Variants in CSMD1 observed in about 807,000 individuals in gnomAD.
CSMD1 encodes the protein CUB and Sushi multiple domains 1, also known as CUB and sushi domain-containing protein 1.
In CSMD1, 213 loss-of-function variants were observed where a neutral mutation model predicts 417.5. The observed-to-expected ratio is 0.51, with a 90% CI of 0.46 to 0.57. The LOEUF (loss-of-function observed/expected upper bound fraction) is 0.57. Among genes scored for constraint, CSMD1 ranks in the 20% least tolerant of loss-of-function variants. The pLI is 0.00. For synonymous variants in CSMD1, 2,862 were observed against 1,736.8 expected (o/e 1.65, Z -16.11); for missense variants, 6,923 against 4,529.7 (o/e 1.53, Z -15.17).
At chr8:3,365,123 G>A (rs920648796) in intron 20 of CSMD1, among the ~76,000 whole-genome samples, 6 of 152,178 alleles carry the variant, frequency 3.9e-5, no homozygotes, top group Non-Finnish European at 5.9e-5. Context: ...TACACCAGGG[G>A]AGAATGCAGA....
chr8:3,844,719 T>C (rs781145133), intron 5 of CSMD1, among the ~76,000 whole-genome samples: 1 of 152,174 alleles, frequency 6.6e-6, no homozygotes, highest in Non-Finnish European at 1.5e-5. Context: ...TCTGATAAAC[T>C]GAAATACAGA....
At chr8:4,613,717 A>C (rs1230485520) in intron 2 of CSMD1, among the ~76,000 whole-genome samples, 1 of 152,174 alleles carries the variant, frequency 6.6e-6, no homozygotes, top group Non-Finnish European at 1.5e-5. Flanking sequence ...AGAAGTGAAA[A>C]AAATAGAAGA....
At chr8:3,491,685 GC>G (rs1263968192) in intron 11 of CSMD1, among the ~76,000 whole-genome samples, 2 of 152,186 alleles carry the variant, frequency 1.3e-5, no homozygotes, top group Non-Finnish European at 2.9e-5. Flanking sequence ...GTTGGCTAGT[GC>G]TTTTTCAATG....
intron 3 of CSMD1, among the ~76,000 whole-genome samples, chr8:4,362,722 C>A (rs1032038737): frequency 6.6e-6 from 1 of 152,124 alleles, no homozygotes; most frequent in Admixed American, 6.6e-5. Context: ...AAAGGACTTT[C>A]TTTACATTGT....
At chr8:3,086,820 G>C (rs1247570155) in intron 49 of CSMD1, among the ~76,000 whole-genome samples, 1 of 152,084 alleles carries the variant, frequency 6.6e-6, no homozygotes, top group East Asian at 1.9e-4. Flanking sequence ...TCTTAAATTG[G>C]ATGACATGTT....
intron 26 of CSMD1, among the ~76,000 whole-genome samples, chr8:3,262,803 A>C (rs1401090394): frequency 6.6e-6 from 1 of 152,226 alleles, no homozygotes; most frequent in East Asian, 1.9e-4. Context: ...CATAATGTAT[A>C]CCTATTAAAC....
intron 23 of CSMD1, among the ~76,000 whole-genome samples, chr8:3,318,191 T>G (rs1805905473): frequency 6.6e-6 from 1 of 152,214 alleles, no homozygotes; most frequent in South Asian, 2.1e-4. Flanking sequence ...AATATTCTAT[T>G]TTTATTTATG....
intron 12 of CSMD1, among the ~76,000 whole-genome samples, chr8:3,461,802 T>C (rs567846301): frequency 5.9e-5 from 9 of 152,326 alleles, no homozygotes; most frequent in African/African-American, 9.6e-5. Flanking sequence ...TTACGTGTGA[T>C]AGAACACGGA....
intron 12 of CSMD1, among the ~76,000 whole-genome samples, chr8:3,448,250 T>G (rs1815428961): frequency 7.8e-6 from 1 of 127,464 alleles, no homozygotes; most frequent in Admixed American, 8.8e-5. Context: ...AGAGGATTGA[T>G]CTCAAGACCA....
At chr8:3,876,489 ATGTAAGTG>A (rs1167560259) in intron 5 of CSMD1, among the ~76,000 whole-genome samples, 1 of 152,172 alleles carries the variant, frequency 6.6e-6, no homozygotes, top group African/African-American at 2.4e-5. Flanking sequence ...TTGATAAAAT[ATGTAAGTG>A]TGTAAGTGTG....
At chr8:4,606,980 T>C (rs1800909164) in intron 2 of CSMD1, among the ~76,000 whole-genome samples, 1 of 152,232 alleles carries the variant, frequency 6.6e-6, no homozygotes, top group East Asian at 1.9e-4. Flanking sequence ...AGATGCAAGT[T>C]AAATTTTTTC....
chr8:4,320,315 C>G (rs897222273), intron 3 of CSMD1, among the ~76,000 whole-genome samples: 3 of 152,156 alleles, frequency 2.0e-5, no homozygotes, highest in African/African-American at 7.2e-5. Context: ...ATAATACCTT[C>G]AGGCTATTTG....
chr8:4,136,436 G>C (rs968353024), intron 3 of CSMD1, among the ~76,000 whole-genome samples: 1 of 152,148 alleles, frequency 6.6e-6, no homozygotes, highest in Non-Finnish European at 1.5e-5. Context: ...TTCTCAGCAA[G>C]CATCCCTTTT....
chr8:4,169,208 C>A (rs1395883607), intron 3 of CSMD1, among the ~76,000 whole-genome samples: 1 of 152,116 alleles, frequency 6.6e-6, no homozygotes, highest in Non-Finnish European at 1.5e-5. Flanking sequence ...GTCACCAACA[C>A]ATGTCTGAGC....
intron 3 of CSMD1, among the ~76,000 whole-genome samples, chr8:4,244,117 C>A (rs1488477743): frequency 6.6e-6 from 1 of 152,118 alleles, no homozygotes; most frequent in African/African-American, 2.4e-5. Context: ...GGGTGCTGTG[C>A]GGATGAGTTT....
In CSMD1 at chr8:3,610,323, A is replaced by G. The variant is rs113251574; in HGVS notation, c.1097+6387T>C. Among the ~76,000 whole-genome samples the G allele has an allele frequency of 3.0e-3, 454 of 152,282 alleles. 2 individuals carry two copies. The highest frequency in any genetic ancestry group is 0.01 in the African/African-American group (428 of 41,556). ...CAAGGAGGGAGGACTGCTTGAGGCC[A>G]GGAGTTAGAAACCAGCCTAGGCAAC... On this transcript the variant is annotated intron_variant, in intron 8 of 69. Coordinates refer to ENST00000635120, the MANE Select transcript of CSMD1 (RefSeq NM_033225.6).
At chr8:3,263,111 T>C (rs1304310035) in intron 26 of CSMD1, among the ~76,000 whole-genome samples, 2 of 152,030 alleles carry the variant, frequency 1.3e-5, no homozygotes, top group Non-Finnish European at 2.9e-5. Context: ...TCAACTGTTA[T>C]TTTTTTTCAG....
intron 33 of CSMD1, among the ~76,000 whole-genome samples, chr8:3,193,778 A>C (rs1796553765): frequency 6.6e-6 from 1 of 152,132 alleles, no homozygotes; most frequent in Admixed American, 6.5e-5. Context: ...TGAGGTGCTG[A>C]AAGTGGGAAG....
intron 5 of CSMD1, among the ~76,000 whole-genome samples, chr8:3,960,779 T>C (rs1032426877): frequency 6.1e-4 from 92 of 151,970 alleles, no homozygotes; most frequent in African/African-American, 2.0e-3. Context: ...TAAAAACATA[T>C]GTAGAAACTG....
Sources: allele counts gnomAD v4.1 joint callset (sites outside exome capture counted in the v4.1 genomes callset), GRCh38; gene constraint gnomAD v4.1.1; transcripts MANE v1.5; gene names NCBI Gene and HGNC (gene_info 2026-07-23, HGNC 2026-07-21).